MCPH1: variants seen among roughly 807,000 people sequenced by gnomAD.
MCPH1 encodes microcephalin.
In MCPH1, 104 loss-of-function variants were observed where a neutral mutation model predicts 84.5. The observed-to-expected ratio is 1.23, with a 90% CI of 1.05 to 1.45. MCPH1 has a LOEUF of 1.45. MCPH1 is among the 40% of genes most tolerant of loss of function. The pLI is 0.00. For missense variants in MCPH1, 1,498 were observed against 1,005.7 expected (o/e 1.49, Z -6.62); for synonymous variants, 514 against 366.8 (o/e 1.40, Z -4.58).
chr8:6,439,106 T>C lies in MCPH1; in HGVS notation c.580+10T>C. 6.2e-7 allele frequency: 1 copy of C among 1,611,492 alleles called. No homozygotes were observed. The highest frequency in any genetic ancestry group is 1.1e-5 in the South Asian group (1 of 90,990). ...AATCTTTCCCCCACCTGTAAGTAAT[T>C]AGTTTGTAAAATGAAAATTATGCAA... On this transcript the variant is annotated intron_variant, in intron 6 of 13. Transcript: ENST00000344683.
chr8:6,490,231 A>G (rs1370834800), intron 11 of MCPH1, among the ~76,000 whole-genome samples: 1 of 152,208 alleles, frequency 6.6e-6, no homozygotes, highest in Non-Finnish European at 1.5e-5. Flanking sequence ...CTGACATCTC[A>G]ATCACACAGT....
chr8:6,467,711 C>G (rs778860289), intron 9 of MCPH1, among the ~76,000 whole-genome samples: 16 of 152,260 alleles, frequency 1.1e-4, no homozygotes, highest in Admixed American at 5.2e-4. Flanking sequence ...TCCCTCCAGC[C>G]TTGGCCTCAT....
At chr8:6,514,278 C>T (rs1313387998) in intron 12 of MCPH1, among the ~76,000 whole-genome samples, 2 of 152,170 alleles carry the variant, frequency 1.3e-5, no homozygotes, top group Non-Finnish European at 2.9e-5. Flanking sequence ...CACCCTCTGC[C>T]TCCCAGGTTC....
At position 6,619,626 on chromosome 8, in the gene MCPH1, C is replaced by T. The variant is rs1487008858; in HGVS notation, c.2215-1828C>T. Among the ~76,000 whole-genome samples, 5 of 151,782 alleles carry T rather than the reference C, an allele frequency of 3.3e-5. No individual in the cohort carries two copies. The East Asian group carries it at 7.8e-4, about 24-fold the overall frequency. ...TTAGATAGAGTGTTGCTCTTATTGC[C>T]CAGGCTGGAGTGCAGTGGCACAATC... On this transcript the variant is annotated intron_variant, in intron 12 of 13. Coordinates refer to ENST00000344683, the MANE Select transcript of MCPH1 (RefSeq NM_024596.5).
chr8:6,472,755 A>C lies in MCPH1; in HGVS notation c.1936-4839A>C, dbSNP rs1283847073. On this transcript the variant is annotated intron_variant, in intron 9 of 13. Transcript: ENST00000344683. ...AGTGCTGGAATTACAGGGATAAGCC[A>C]CCATGTCCAGCCTCAGACAGTTTTA... Among the ~76,000 whole-genome samples, 3 of 152,226 alleles carry C rather than the reference A, an allele frequency of 2.0e-5. No homozygotes were observed. In the East Asian group the frequency reaches 5.8e-4, roughly 29 times the overall value.
At chr8:6,454,812 T>A (rs543796791) in intron 8 of MCPH1, among the ~76,000 whole-genome samples, 70 of 152,350 alleles carry the variant, frequency 4.6e-4, no homozygotes, top group African/African-American at 1.7e-3. Context: ...GAGCTGTTCT[T>A]TGTCATTATT....
chr8:6,446,770 TTAAG>T, intron 8 of MCPH1: 1 of 985,246 alleles, frequency 1.0e-6, no homozygotes, highest in Non-Finnish European at 1.2e-6. Context: ...GAAATGTAAA[TTAAG>T]TAGGAAAAAG....
chr8:6,499,977 A>G, intron 12 of MCPH1, 48 bp downstream of exon 12: 1 of 1,507,140 alleles, frequency 6.6e-7, no homozygotes, highest in African/African-American at 1.4e-5. Context: ...TGCTGTTCTC[A>G]AGAAATTATT....
chr8:6,616,991 T>C (rs1231694374), intron 12 of MCPH1: 1 of 152,168 alleles, frequency 6.6e-6, no homozygotes, highest in Non-Finnish European at 1.5e-5. Context: ...GGAGCTGTTT[T>C]ACAGCTTCAT....
intron 12 of MCPH1, among the ~76,000 whole-genome samples, chr8:6,572,010 C>T (rs2129576511): frequency 6.6e-6 from 1 of 152,220 alleles, no homozygotes; most frequent in East Asian, 1.9e-4. Context: ...CTATTTCAAG[C>T]ATTTTCTTTG....
intron 12 of MCPH1, among the ~76,000 whole-genome samples, chr8:6,509,481 A>T (rs749821870): frequency 1.6e-4 from 25 of 152,060 alleles, no homozygotes; most frequent in Non-Finnish European, 3.1e-4. Context: ...CCCGGGGGGG[A>T]TGGAGAATGC....
rs114054501 is a variant in MCPH1 at position 6,447,495 on chromosome 8, A to G, written c.1825+1948A>G. On this transcript the variant is annotated intron_variant, in intron 8 of 13. Coordinates refer to ENST00000344683, the MANE Select transcript of MCPH1 (RefSeq NM_024596.5). ...TCAAAAACAAGTTACAAAGAGCTTC[A>G]ATACGCTGATAGAACGGGAACTGAG... The G allele has an allele frequency of 3.4e-3, 2,789 of 818,846 alleles. 62 individuals are homozygous for G. The African/African-American group carries it at 0.046, about 14-fold the overall frequency. 50.7% of individuals were successfully genotyped at this position (818,846 alleles called of 1,614,324 possible).
chr8:6,417,676 G>C (rs552901605), intron 3 of MCPH1, among the ~76,000 whole-genome samples: 4 of 152,122 alleles, frequency 2.6e-5, no homozygotes, highest in African/African-American at 9.6e-5. Flanking sequence ...GGTTTCATGT[G>C]AGATTTCTCA....
At chr8:6,541,437 G>C (rs535126966) in intron 12 of MCPH1, among the ~76,000 whole-genome samples, 3 of 152,152 alleles carry the variant, frequency 2.0e-5, no homozygotes, top group African/African-American at 7.2e-5. Context: ...AGTGCTCTGA[G>C]AAAGACAATA....
intron 3 of MCPH1, among the ~76,000 whole-genome samples, chr8:6,420,289 G>A (rs1403577313): frequency 6.6e-6 from 1 of 152,018 alleles, no homozygotes; most frequent in Non-Finnish European, 1.5e-5. Flanking sequence ...TGTGCTGGGT[G>A]TCCTCTTTCT....
intron 12 of MCPH1, among the ~76,000 whole-genome samples, chr8:6,582,662 C>T (rs1179970837): frequency 1.3e-5 from 2 of 152,152 alleles, no homozygotes; most frequent in Admixed American, 1.3e-4. Flanking sequence ...TTCCACATAT[C>T]CCATTACCCT....
chr8:6,446,183 TTATAA>T, intron 8 of MCPH1: 5 of 892,228 alleles, frequency 5.6e-6, no homozygotes, highest in Non-Finnish European at 6.7e-6. Context: ...TTAATTGTAA[TTATAA>T]TAAACCATAT....
At chr8:6,530,483 T>C (rs887427888) in intron 12 of MCPH1, among the ~76,000 whole-genome samples, 2 of 129,784 alleles carry the variant, frequency 1.5e-5, no homozygotes, top group African/African-American at 5.9e-5. Context: ...CACTCCAACC[T>C]GGGCAATGCA....
intron 6 of MCPH1, among the ~76,000 whole-genome samples, chr8:6,440,819 A>G (rs981849908): frequency 6.6e-6 from 1 of 152,228 alleles, no homozygotes; most frequent in African/African-American, 2.4e-5. Context: ...AGTTAAGGTT[A>G]GTTTCGGCTG....
Sources: gnomAD v4.1 joint callset for allele counts (sites outside exome capture counted in the v4.1 genomes callset) on GRCh38, gnomAD v4.1.1 for gene constraint, MANE v1.5 for transcripts, NCBI Gene and HGNC (gene_info 2026-07-23, HGNC 2026-07-21) for gene names.